PCDH15: variants seen among roughly 807,000 people sequenced by gnomAD.
The protein encoded by PCDH15 is protocadherin-15.
In PCDH15, 129 loss-of-function variants were observed where a neutral mutation model predicts 178.5. That is an observed-to-expected ratio of 0.72 (90% confidence interval 0.63 to 0.84). PCDH15 has a LOEUF of 0.84. Ranked by LOEUF, PCDH15 falls within the 40% of genes least tolerant of loss-of-function variation. PCDH15 has a pLI of 0.00. For missense variants in PCDH15, 2,230 were observed against 2,099.9 expected (o/e 1.06, Z -1.21); for synonymous variants, 800 against 732.0 (o/e 1.09, Z -1.50).
chr10:54,909,303 G>C (rs1344076295), intron 2 of PCDH15, among the ~76,000 whole-genome samples: 1 of 152,092 alleles, frequency 6.6e-6, no homozygotes, highest in Non-Finnish European at 1.5e-5. Context: ...TCCTGCCTCT[G>C]TTCATGGAGC....
chr10:55,251,939 C>G (rs1400538983), intron 1 of PCDH15, among the ~76,000 whole-genome samples: 1 of 152,028 alleles, frequency 6.6e-6, no homozygotes, highest in Non-Finnish European at 1.5e-5. Context: ...AAAACAACAA[C>G]AACAACAACA....
intron 3 of PCDH15, among the ~76,000 whole-genome samples, chr10:54,492,913 T>C (rs2079739208): frequency 6.6e-6 from 1 of 152,112 alleles, no homozygotes; most frequent in South Asian, 2.1e-4. Flanking sequence ...CAGTTCCACA[T>C]GGCTGGAGAG....
At chr10:54,035,185 C>T (rs2093387374) in intron 18 of PCDH15, among the ~76,000 whole-genome samples, 2 of 151,838 alleles carry the variant, frequency 1.3e-5, no homozygotes, top group South Asian at 2.1e-4. Flanking sequence ...ATACTGTATA[C>T]TAGAACTGGA....
At chr10:55,137,659 G>C (rs1277448862) in intron 2 of PCDH15, among the ~76,000 whole-genome samples, 1 of 151,912 alleles carries the variant, frequency 6.6e-6, no homozygotes, top group Non-Finnish European at 1.5e-5. Flanking sequence ...TGTTTTATGT[G>C]CTGAATATTA....
chr10:54,692,940 A>G (rs188846860), intron 1 of PCDH15, among the ~76,000 whole-genome samples: 1 of 152,274 alleles, frequency 6.6e-6, no homozygotes, highest in East Asian at 1.9e-4. Flanking sequence ...AAAACAGGAT[A>G]CAGGTGCAGA....
chr10:53,830,231 G>A (rs1448953310), intron 30 of PCDH15, among the ~76,000 whole-genome samples: 1 of 151,790 alleles, frequency 6.6e-6, no homozygotes, highest in Non-Finnish European at 1.5e-5. Context: ...GAACCTTGGA[G>A]GCAGAGGTTG....
At chr10:54,046,875 T>C (rs960734529) in intron 18 of PCDH15, among the ~76,000 whole-genome samples, 10 of 113,520 alleles carry the variant, frequency 8.8e-5, no homozygotes, top group Non-Finnish European at 1.8e-4. Flanking sequence ...TGGAATTCTT[T>C]CTGTAAAACC....
intron 2 of PCDH15, among the ~76,000 whole-genome samples, chr10:55,616,864 A>G (rs1165846514): frequency 1.3e-5 from 2 of 152,152 alleles, no homozygotes; most frequent in East Asian, 3.8e-4. Context: ...CTAGATAACT[A>G]GTAAAACCTA....
intron 2 of PCDH15, among the ~76,000 whole-genome samples, chr10:54,580,662 G>A (rs536847174): frequency 1.3e-5 from 2 of 151,904 alleles, no homozygotes; most frequent in Admixed American, 6.6e-5. Context: ...AAAACTACAG[G>A]CTAATATCCA....
At chr10:54,769,957 T>A (rs114854554) in intron 1 of PCDH15, among the ~76,000 whole-genome samples, 1 of 152,126 alleles carries the variant, frequency 6.6e-6, no homozygotes, top group East Asian at 1.9e-4. Context: ...AGTATTGTAG[T>A]CTAAACACAT....
intron 2 of PCDH15, among the ~76,000 whole-genome samples, chr10:55,000,178 G>A (rs542630598): frequency 2.0e-5 from 3 of 152,256 alleles, no homozygotes; most frequent in African/African-American, 7.2e-5. Context: ...ATAAGCCTGG[G>A]AGCGCTATGG....
At chr10:55,395,866 T>C (rs1837915567) in intron 2 of PCDH15, among the ~76,000 whole-genome samples, 1 of 151,878 alleles carries the variant, frequency 6.6e-6, no homozygotes, top group Non-Finnish European at 1.5e-5. Flanking sequence ...AAACATAAAA[T>C]ATAAAACAAA....
At chr10:55,548,379 T>C (rs1015886046) in intron 2 of PCDH15, among the ~76,000 whole-genome samples, 1 of 152,228 alleles carries the variant, frequency 6.6e-6, no homozygotes, top group African/African-American at 2.4e-5. Flanking sequence ...CCTGAGGGTA[T>C]ACTGTAAATG....
intron 28 of PCDH15, among the ~76,000 whole-genome samples, chr10:53,849,663 G>T (rs2132905992): frequency 6.6e-6 from 1 of 151,974 alleles, no homozygotes. Context: ...AGGAGATCTA[G>T]ACCATTGTGG....
Position 54,844,403 on chromosome 10 carries a change from T to C in PCDH15, c.-29+53047A>G, listed in dbSNP as rs534593555. On this transcript the variant is annotated intron_variant, in intron 3 of 5. Transcript: ENST00000458638. ...ATTTATATAATATCACTCTCCCTACTTTTTAAACAGAAATTTAGGCATATG... is the reference window on the plus strand; with the variant it reads ...ATTTATATAATATCACTCTCCCTACCTTTTAAACAGAAATTTAGGCATATG... 1.6e-4 allele frequency among the ~76,000 whole-genome samples: 24 copies of C among 152,152 alleles called. No individual in the cohort carries two copies. The South Asian group carries it at 4.6e-3, about 29-fold the overall frequency.
At chr10:55,003,670 G>A (rs1839851604) in intron 2 of PCDH15, among the ~76,000 whole-genome samples, 1 of 152,158 alleles carries the variant, frequency 6.6e-6, no homozygotes, top group Non-Finnish European at 1.5e-5. Context: ...ACAATTGTAG[G>A]AACTGATTAT....
At chr10:54,501,235 AT>A (rs372151398) in intron 3 of PCDH15, among the ~76,000 whole-genome samples, 8,688 of 151,202 alleles carry the variant, frequency 0.057, 286 homozygotes, top group South Asian at 0.1. Flanking sequence ...AAGTATAATA[AT>A]AAAAAAAAAA....
chr10:53,995,370 A>T (rs766857075), intron 21 of PCDH15: 10 of 472,518 alleles, frequency 2.1e-5, no homozygotes, highest in Non-Finnish European at 3.4e-5. Flanking sequence ...TTACAAATGG[A>T]GACAATTCAT....
At chr10:54,981,296 C>T (rs1283920917) in intron 2 of PCDH15, among the ~76,000 whole-genome samples, 1 of 152,166 alleles carries the variant, frequency 6.6e-6, no homozygotes, top group Admixed American at 6.5e-5. Flanking sequence ...ATCCTTTTGT[C>T]CTTGCCATAC....
Sources: allele counts gnomAD v4.1 joint callset (sites outside exome capture counted in the v4.1 genomes callset), GRCh38; gene constraint gnomAD v4.1.1; transcripts MANE v1.5; gene names NCBI Gene and HGNC (gene_info 2026-07-23, HGNC 2026-07-21).